The following NINL variants were observed in gnomAD, a reference collection of about 807,000 sequenced individuals.
The protein encoded by NINL is ninein-like protein.
Under a neutral mutation model 160.3 loss-of-function variants are expected in NINL, and 153 were observed. That is an observed-to-expected ratio of 0.95 (90% confidence interval 0.84 to 1.09). The LOEUF is 1.09. NINL is among the 50% of genes least tolerant of loss of function. The pLI, the probability that NINL is intolerant of heterozygous loss-of-function variation, is 0.00. For missense variants in NINL, 1,829 were observed against 1,764.0 expected (o/e 1.04, Z -0.66); for synonymous variants, 800 against 734.8 (o/e 1.09, Z -1.43).
chr20:25,541,553 G>T (rs1291938287), intron 1 of NINL, among the ~76,000 whole-genome samples: 5 of 152,164 alleles, frequency 3.3e-5, no homozygotes, highest in South Asian at 2.1e-4. Context: ...TAGGACTATA[G>T]CTATAGATGC....
At chr20:25,470,510 C>T (rs577117587) in intron 17 of NINL, among the ~76,000 whole-genome samples, 1 of 152,282 alleles carries the variant, frequency 6.6e-6, no homozygotes, top group South Asian at 2.1e-4. Context: ...CTAAGAAACA[C>T]AGGAATCAGA....
chr20:25,453,413 G>T lies in NINL; in HGVS notation c.*38C>A, dbSNP rs754855181. The T allele has an allele frequency of 1.5e-5, 23 of 1,541,786 alleles. No homozygotes were observed. The African/African-American group carries it at 2.9e-4, about 19-fold the overall frequency. On this transcript the variant is annotated 3_prime_UTR_variant, in exon 24 of 24. Transcript: ENST00000278886. ...GGCAGCACAGTGGCTTAATTTAAAA[G>T]ATGTGCTTTCGAATGAATCCTAGAA...
chr20:25,468,212 GT>G (rs11087522), intron 18 of NINL, among the ~76,000 whole-genome samples: 61,447 of 151,708 alleles, frequency 0.41, 13,485 homozygotes, highest in East Asian at 0.92. Context: ...CTCCTGCTCT[GT>G]CCCCTGACTC....
At chr20:25,495,690 T>C (rs1462340941) in intron 10 of NINL, among the ~76,000 whole-genome samples, 4 of 152,152 alleles carry the variant, frequency 2.6e-5, no homozygotes, top group African/African-American at 9.7e-5. Context: ...ATGCGCAAAC[T>C]TCAGGTGAAA....
intron 10 of NINL, among the ~76,000 whole-genome samples, chr20:25,495,391 T>G (rs1015281246): frequency 2.0e-5 from 3 of 152,158 alleles, no homozygotes; most frequent in African/African-American, 7.2e-5. Context: ...GCATAGCTCT[T>G]CTTTGCTAGC....
chr20:25,457,979 C>T (rs1024355729), intron 22 of NINL, among the ~76,000 whole-genome samples: 1 of 152,192 alleles, frequency 6.6e-6, no homozygotes, highest in Non-Finnish European at 1.5e-5. Flanking sequence ...GTCTGTGCTC[C>T]GAGCTACTGT....
At chr20:25,487,110 A>C (rs1288562248) in intron 13 of NINL, among the ~76,000 whole-genome samples, 1 of 152,196 alleles carries the variant, frequency 6.6e-6, no homozygotes, top group Non-Finnish European at 1.5e-5. Flanking sequence ...TCACCACCCA[A>C]GGTAACTAAA....
At chr20:25,516,290 A>G (rs2064158629) in intron 3 of NINL, among the ~76,000 whole-genome samples, 1 of 152,188 alleles carries the variant, frequency 6.6e-6, no homozygotes, top group South Asian at 2.1e-4. Flanking sequence ...TTATAGCAAT[A>G]TGAGAACAAA....
At position 25,512,190 on chromosome 20, in the gene NINL, T is replaced by C. The variant is rs569783251; in HGVS notation, c.450+644A>G. Among the ~76,000 whole-genome samples the C allele has an allele frequency of 1.1e-4, 17 of 152,296 alleles. No individual in the cohort carries two copies. In the South Asian group the frequency reaches 3.3e-3, roughly 30 times the overall value. On this transcript the variant is annotated intron_variant, in intron 4 of 23. Transcript: ENST00000278886. Reference sequence around the variant, plus strand: ...GCAACTTCCAAGGCCCCAGGACGCATTGGCTCATACAGGCCAGTTGTAAGT... The same window carrying C: ...GCAACTTCCAAGGCCCCAGGACGCACTGGCTCATACAGGCCAGTTGTAAGT...
intron 1 of NINL, among the ~76,000 whole-genome samples, chr20:25,578,193 C>T (rs1415042131): frequency 2.0e-5 from 3 of 151,560 alleles, no homozygotes; most frequent in South Asian, 4.2e-4. Context: ...CTGCAACCTC[C>T]GCCTCCCAGG....
At chr20:25,513,105 G>A (rs752763463) in intron 3 of NINL, 99 bp from the exon 4 acceptor site, 25 of 1,246,078 alleles carry the variant, frequency 2.0e-5, no homozygotes, top group South Asian at 8.8e-5. Context: ...ACTCAGCACC[G>A]AGTGTGCCCC....
At position 25,491,511 on chromosome 20, in the gene NINL, C is replaced by A. The variant is rs748357291; in HGVS notation, c.1325G>T (p.Gly442Val). The A allele has an allele frequency of 6.8e-6, 11 of 1,613,728 alleles. No homozygotes were observed. The highest frequency in any genetic ancestry group is 9.3e-6 in the Non-Finnish European group (11 of 1,179,890). ...TEKKIKHLEQ[G>V]YRERLSLLRS... is the part of the protein sequence containing the mutation. ...CAGGAGGCTCAGCCTTTCCCGGTACCCCTGCTCCAGATGCCTGTAACATGT... is the reference window on the plus strand; with the variant it reads ...CAGGAGGCTCAGCCTTTCCCGGTACACCTGCTCCAGATGCCTGTAACATGT... The change falls in exon 11 of 24, where the codon GGG (glycine) becomes GTG (valine). Residue 442 changes from glycine to valine, a missense_variant. Physicochemically the swap from Gly to Val is moderately radical, Grantham distance 109 (BLOSUM62 -3). Coordinates refer to ENST00000278886, the MANE Select transcript of NINL (RefSeq NM_025176.6).
chr20:25,476,081 C>G lies in NINL; in HGVS notation c.3210G>C (p.Arg1070=), dbSNP rs376698785. 1.2e-6 allele frequency: 2 copies of G among 1,613,804 alleles called. No individual in the cohort carries two copies. The highest frequency in any genetic ancestry group is 1.3e-5 in the African/African-American group (1 of 74,944). The stretch of plus-strand genomic sequence containing the variant: ...TCAAATCTACATGTTTCTCCAGAGC[C>G]CGGACGACGTCTTCCAGATGTAGAA... ...TKLLHLEDVV[R]ALEKHVDLRE... The change falls in exon 17 of 24, where the codon CGG becomes CGC. Residue 1070 remains arginine (R), a synonymous_variant. Transcript: ENST00000278886.
chr20:25,545,182 T>C (rs1053331768), intron 1 of NINL, among the ~76,000 whole-genome samples: 1 of 152,180 alleles, frequency 6.6e-6, no homozygotes, highest in Non-Finnish European at 1.5e-5. Flanking sequence ...AAGGGAATGG[T>C]TCTATTCCCA....
intron 1 of NINL, among the ~76,000 whole-genome samples, chr20:25,553,020 G>C (rs1306962961): frequency 6.6e-6 from 1 of 152,038 alleles, no homozygotes; most frequent in Non-Finnish European, 1.5e-5. Flanking sequence ...CCCCACGCAA[G>C]GGCACTGGTG....
intron 11 of NINL, among the ~76,000 whole-genome samples, chr20:25,490,905 GAGTC>G (rs2063617363): frequency 6.6e-6 from 1 of 151,718 alleles, no homozygotes; most frequent in Non-Finnish European, 1.5e-5. Context: ...TGCCTCACTG[GAGTC>G]AGTATCAGGG....
At position 25,543,874 on chromosome 20, in the gene NINL, CAGG is replaced by C. The variant is rs748743520; in HGVS notation, c.-11-17279_-11-17277del. ...AAACCTCTAGCCGGAGGTTTCTGGACAGGAGAAGATTCTACATGCAGGCCCTTG... is the reference window on the plus strand; with the variant it reads ...AAACCTCTAGCCGGAGGTTTCTGGACAGAAGATTCTACATGCAGGCCCTTG... On this transcript the variant is annotated intron_variant, in intron 1 of 23. Transcript: ENST00000278886. Among the ~76,000 whole-genome samples the C allele has an allele frequency of 4.4e-4, 67 of 152,114 alleles. 1 individual carries two copies. The highest frequency in any genetic ancestry group is 2.1e-4 in the Non-Finnish European group (14 of 68,016).
rs749523467 is a variant in NINL, at chr20:25,503,995, G to C, written c.818C>G (p.Ser273Cys). ...FSHEPALLLE[S>C]STRVKPSKAW... ...CTTGCTCGGTTTAACCCGAGTGGAA[G>C]ACTCTAGAAGTAGCGCGGGCTCATG... The change falls in exon 7 of 24, where the codon TCT (serine) becomes TGT (cysteine). Residue 273 changes from serine to cysteine, a missense_variant. Coordinates refer to ENST00000278886, the MANE Select transcript of NINL (RefSeq NM_025176.6). 38 of 1,613,980 alleles carry C rather than the reference G, an allele frequency of 2.4e-5. No homozygotes were observed. The highest frequency in any genetic ancestry group is 3.1e-5 in the Non-Finnish European group (36 of 1,179,982).
At chr20:25,484,468 G>A (rs2063466864) in intron 13 of NINL, among the ~76,000 whole-genome samples, 1 of 152,210 alleles carries the variant, frequency 6.6e-6, no homozygotes, top group African/African-American at 2.4e-5. Context: ...CATTATGCCA[G>A]CAAGTGTGGA....
Sources: gnomAD v4.1 joint callset for allele counts (sites outside exome capture counted in the v4.1 genomes callset) on GRCh38, gnomAD v4.1.1 for gene constraint, MANE v1.5 for transcripts, NCBI Gene and HGNC (gene_info 2026-07-23, HGNC 2026-07-21) for gene names.